IL1RAPL1: variants seen among roughly 807,000 people sequenced by gnomAD.
The protein encoded by IL1RAPL1 is interleukin 1 receptor accessory protein like 1.
Under a neutral mutation model 48.4 loss-of-function variants are expected in IL1RAPL1, and 3 were observed. That is an observed-to-expected ratio of 0.06 (90% CI 0.03 to 0.16). The LOEUF (loss-of-function observed/expected upper bound fraction) is 0.16, where lower values mean the gene tolerates loss of function less well. Among genes scored for constraint, IL1RAPL1 ranks in the 10% least tolerant of loss-of-function variants. IL1RAPL1 has a pLI of 1.00. For missense variants in IL1RAPL1, 349 were observed against 530.6 expected (o/e 0.66, Z 3.36); for synonymous variants, 185 against 187.7 (o/e 0.99, Z 0.12).
At chrX:29,342,153 TG>T (rs767935532) in intron 3 of IL1RAPL1, among the ~76,000 whole-genome samples, 4 of 81,542 alleles carry the variant, frequency 4.9e-5, no homozygotes, top group African/African-American at 2.8e-4. Flanking sequence ...TGTGTGTGTG[TG>T]TTTGTTTTGT....
chrX:29,747,873 G>T (rs1928370421), intron 6 of IL1RAPL1, among the ~76,000 whole-genome samples: 2 of 112,148 alleles, frequency 1.8e-5, no homozygotes, highest in African/African-American at 3.2e-5. Flanking sequence ...GGCAAATGCG[G>T]CAACTTACAA....
chrX:29,848,827 G>A (rs780432093), intron 6 of IL1RAPL1, among the ~76,000 whole-genome samples: 23 of 110,780 alleles, frequency 2.1e-4, no homozygotes, highest in Non-Finnish European at 4.0e-4. Context: ...GTGCAGTGGT[G>A]CGATCTCGGC....
intron 5 of IL1RAPL1, among the ~76,000 whole-genome samples, chrX:29,524,683 A>T (rs1396187109): frequency 8.9e-6 from 1 of 112,138 alleles, no homozygotes; most frequent in Admixed American, 9.5e-5. Flanking sequence ...GTGTCTTCAA[A>T]CTTCAAAAAC....
intron 2 of IL1RAPL1, among the ~76,000 whole-genome samples, chrX:29,077,254 G>C (rs1159419929): frequency 9.0e-6 from 1 of 111,669 alleles, no homozygotes; most frequent in African/African-American, 3.3e-5. Context: ...AAGGCTAGCA[G>C]AGAAAAAGGC....
At chrX:29,858,227 C>T (rs1486746095) in intron 6 of IL1RAPL1, among the ~76,000 whole-genome samples, 1 of 111,662 alleles carries the variant, frequency 9.0e-6, no homozygotes, top group African/African-American at 3.3e-5. Context: ...AAAGATGACA[C>T]TAGGGTGGTA....
chrX:29,193,157 A>G (rs1335431774), intron 2 of IL1RAPL1, among the ~76,000 whole-genome samples: 1 of 110,858 alleles, frequency 9.0e-6, no homozygotes, highest in Non-Finnish European at 1.9e-5. Context: ...AATCTTTCCC[A>G]TATGAATATC....
At chrX:29,080,948 C>CT (rs200013368) in intron 2 of IL1RAPL1, among the ~76,000 whole-genome samples, 7,744 of 42,152 alleles carry the variant, frequency 0.18, 694 homozygotes, top group African/African-American at 0.4. Flanking sequence ...TTCTTTCTTT[C>CT]TTTCTTTCTT....
At position 29,470,757 on chromosome X, in the gene IL1RAPL1, C is replaced by T. The variant is rs1934911665; in HGVS notation, c.703+71449C>T. 2.7e-5 allele frequency among the ~76,000 whole-genome samples: 3 copies of T among 110,835 alleles called. No homozygotes were observed. The Admixed American group carries it at 2.9e-4, about 11-fold the overall frequency. ...CAAGAGATCCTCCTGCCCCAGCCTC[C>T]AGAATAGATGGGACTACAAGTATGC... On this transcript the variant is annotated intron_variant, in intron 5 of 10. Coordinates refer to ENST00000378993, the MANE Select transcript of IL1RAPL1 (RefSeq NM_014271.4).
chrX:29,696,334 G>A (rs1053852747), intron 6 of IL1RAPL1, among the ~76,000 whole-genome samples: 2 of 111,685 alleles, frequency 1.8e-5, no homozygotes, highest in Non-Finnish European at 3.8e-5. Context: ...GAATTGACGT[G>A]CTGTAAGCAA....
chrX:29,268,341 C>T (rs866614421), intron 2 of IL1RAPL1, among the ~76,000 whole-genome samples: 2 of 111,583 alleles, frequency 1.8e-5, no homozygotes, highest in Non-Finnish European at 3.8e-5. Context: ...TATTTCATGG[C>T]GCAGTAATGG....
intron 2 of IL1RAPL1, among the ~76,000 whole-genome samples, chrX:29,098,733 A>G (rs1281375392): frequency 8.9e-6 from 1 of 112,764 alleles, no homozygotes; most frequent in Non-Finnish European, 1.9e-5. Context: ...TTTACAAAAT[A>G]GTGTTAGTTA....
chrX:29,300,617 T>G (rs1260445108), intron 3 of IL1RAPL1, among the ~76,000 whole-genome samples: 1 of 112,395 alleles, frequency 8.9e-6, no homozygotes, highest in East Asian at 2.8e-4. Context: ...TGAAAAGTTC[T>G]TAATTAAGGA....
intron 6 of IL1RAPL1, among the ~76,000 whole-genome samples, chrX:29,820,876 A>C (rs913934948): frequency 4.5e-5 from 5 of 112,125 alleles, no homozygotes; most frequent in African/African-American, 1.6e-4. Context: ...CAGCCAACTA[A>C]TTAAGTTTTC....
At chrX:29,189,338 A>G (rs1930310778) in intron 2 of IL1RAPL1, among the ~76,000 whole-genome samples, 1 of 111,955 alleles carries the variant, frequency 8.9e-6, no homozygotes, top group South Asian at 3.7e-4. Flanking sequence ...GCTGGTGATA[A>G]TATTTATGTT....
rs775418216 is a variant in IL1RAPL1, at chrX:29,556,263, T to C, written c.704-112167T>C. Among the ~76,000 whole-genome samples the C allele has an allele frequency of 3.6e-5, 4 of 112,198 alleles. No homozygotes were observed. The Admixed American group carries it at 3.8e-4, about 11-fold the overall frequency. The stretch of plus-strand genomic sequence containing the variant: ...TAGGAAACTCCAGTAAGGCTAATTT[T>C]CTCTTGAACTATATATGGTGTCTGT... On this transcript the variant is annotated intron_variant, in intron 5 of 10. Transcript: ENST00000378993.
chrX:28,756,626 G>A (rs912841561), intron 1 of IL1RAPL1, among the ~76,000 whole-genome samples: 1 of 111,916 alleles, frequency 8.9e-6, no homozygotes, highest in African/African-American at 3.2e-5. Context: ...TCAAAACGGT[G>A]TCACAGTATG....
At chrX:28,732,939 A>G (rs2146947676) in intron 1 of IL1RAPL1, among the ~76,000 whole-genome samples, 1 of 111,678 alleles carries the variant, frequency 9.0e-6, no homozygotes, top group African/African-American at 3.3e-5. Context: ...CATAAATTCT[A>G]GAGGCAGATT....
Position 29,081,020 on chromosome X carries a change from C to CTTTTCTTTTCTTTTCT in IL1RAPL1, c.83-201915_83-201914insTCTTTTCTTTTCTTTT, listed in dbSNP as rs1555960746. 2.7e-3 allele frequency among the ~76,000 whole-genome samples: 113 copies of CTTTTCTTTTCTTTTCT among 41,897 alleles called. 6 individuals carry two copies. Among genetic ancestry groups the CTTTTCTTTTCTTTTCT allele is most frequent in the East Asian group, 0.013 (14 of 1,099 alleles). The allele number at this position is 41,897 out of a possible 115,157, so 36.4% of individuals were successfully genotyped here. ...TCTCTCTCTCTCTCTCTCTCTCTCT[C>CTTTTCTTTTCTTTTCT]TTTCTTTTCTTTTCTTTTCTTTTCT... On this transcript the variant is annotated intron_variant, in intron 2 of 10. Transcript: ENST00000378993.
At position 29,556,744 on chromosome X, in the gene IL1RAPL1, T is replaced by A. The variant is rs779954498; in HGVS notation, c.704-111686T>A. On this transcript the variant is annotated intron_variant, in intron 5 of 10. Transcript: ENST00000378993. Reference sequence around the variant, plus strand: ...GGGAACAACTTTTTGAAAAGTGTAATAGGTTTGAGAAAAATGGCTTAATTT... The same window carrying A: ...GGGAACAACTTTTTGAAAAGTGTAAAAGGTTTGAGAAAAATGGCTTAATTT... Among the ~76,000 whole-genome samples, 79 of 111,635 alleles carry A rather than the reference T, an allele frequency of 7.1e-4. 1 individual carries two copies. The highest frequency in any genetic ancestry group is 6.2e-4 in the Non-Finnish European group (33 of 53,117).
Sources: gnomAD v4.1 joint callset for allele counts (sites outside exome capture counted in the v4.1 genomes callset) on GRCh38, gnomAD v4.1.1 for gene constraint, MANE v1.5 for transcripts, NCBI Gene and HGNC (gene_info 2026-07-23, HGNC 2026-07-21) for gene names.